The following KDM1A variants were observed in gnomAD, a reference collection of about 807,000 sequenced individuals.
KDM1A encodes lysine-specific histone demethylase 1A.
A neutral mutation model predicts 109.4 loss-of-function variants in KDM1A; 49 were observed. That is an observed-to-expected ratio of 0.45 (90% CI 0.36 to 0.57). The LOEUF is 0.57. Ranked by LOEUF, KDM1A falls within the 20% of genes least tolerant of loss-of-function variation. The pLI, the probability that KDM1A is intolerant of heterozygous loss-of-function variation, is 0.00. For missense variants in KDM1A, 668 were observed against 1,116.6 expected (o/e 0.60, Z 5.73); for synonymous variants, 380 against 415.4 (o/e 0.91, Z 1.04).
At chr1:23,036,079 G>T (rs1398041052) in intron 2 of KDM1A, among the ~76,000 whole-genome samples, 2 of 150,660 alleles carry the variant, frequency 1.3e-5, no homozygotes, top group African/African-American at 2.4e-5. Flanking sequence ...GAACCACTTT[G>T]TTTTTTTTTA....
At chr1:23,033,280 G>C (rs1642043863) in intron 2 of KDM1A, among the ~76,000 whole-genome samples, 1 of 152,182 alleles carries the variant, frequency 6.6e-6, no homozygotes, top group Admixed American at 6.5e-5. Flanking sequence ...CCAGCACTTT[G>C]AGAGGCTGAG....
chr1:23,083,671 A>G lies in KDM1A; in HGVS notation c.*307A>G, dbSNP rs1392941192. 1 of 212,342 alleles carries G rather than the reference A, an allele frequency of 4.7e-6. No individual in the cohort carries two copies. Among genetic ancestry groups the G allele is most frequent in the East Asian group, 1.0e-4 (1 of 9,756 alleles). The allele number at this position is 212,342 out of a possible 1,614,324, so 13.2% of individuals were successfully genotyped here. ...TGTTTTTTTTTTATATTTTGAGAAT[A>G]AAACTTCATATAAAATTGGCCCTCT... On this transcript the variant is annotated 3_prime_UTR_variant, in exon 21 of 21. Transcript: ENST00000400181.
intron 2 of KDM1A, among the ~76,000 whole-genome samples, chr1:23,036,438 T>G (rs955457704): frequency 7.7e-6 from 1 of 130,460 alleles, no homozygotes; most frequent in Non-Finnish European, 1.6e-5. Context: ...TTAGTTTTCT[T>G]GCCACGCCCC....
At chr1:23,070,251 C>G (rs1387973031) in intron 12 of KDM1A, among the ~76,000 whole-genome samples, 1 of 152,172 alleles carries the variant, frequency 6.6e-6, no homozygotes, top group Non-Finnish European at 1.5e-5. Flanking sequence ...GCAGGTGGAT[C>G]ATTTGAGGTC....
chr1:23,067,518 G>A (rs964500796), intron 10 of KDM1A, among the ~76,000 whole-genome samples: 1 of 152,218 alleles, frequency 6.6e-6, no homozygotes, highest in Non-Finnish European at 1.5e-5. Flanking sequence ...ACCTCTGATT[G>A]TAAAAGGTCG....
At chr1:23,055,624 A>C (rs1642809185) in intron 6 of KDM1A, among the ~76,000 whole-genome samples, 1 of 152,232 alleles carries the variant, frequency 6.6e-6, no homozygotes, top group Admixed American at 6.5e-5. Context: ...ATTATGAAGT[A>C]AATGAAGCAG....
At chr1:23,025,605 C>T (rs1041364779) in intron 1 of KDM1A, among the ~76,000 whole-genome samples, 12 of 151,730 alleles carry the variant, frequency 7.9e-5, no homozygotes, top group Admixed American at 7.9e-4. Context: ...GCTGGGATTA[C>T]AGGCATGAGC....
intron 2 of KDM1A, among the ~76,000 whole-genome samples, chr1:23,036,444 G>GCCCCCCCCCCCCCCCCCCCCCCCAC (rs5773033): frequency 8.2e-6 from 1 of 121,710 alleles, no homozygotes; most frequent in African/African-American, 3.1e-5. Context: ...TTCTTGCCAC[G>GCCCCCCCCCCCCCCCCCCCCCCCAC]CCCCCCCCCT....
intron 2 of KDM1A, among the ~76,000 whole-genome samples, chr1:23,033,152 G>C (rs1642040371): frequency 6.6e-6 from 1 of 152,166 alleles, no homozygotes; most frequent in Non-Finnish European, 1.5e-5. Flanking sequence ...GAGCCACCAT[G>C]CCTGGCCTGT....
chr1:23,081,444 A>G lies in KDM1A; in HGVS notation c.2171-2A>G. On this transcript the variant is annotated splice_acceptor_variant, in intron 18 of 20. Coordinates refer to ENST00000400181, the MANE Select transcript of KDM1A (RefSeq NM_001009999.3). LOFTEE classifies it high-confidence loss of function. Reference sequence around the variant, plus strand: ...CTAGAATTATCCTTTCTGTTTCCCCAGCTCCAATACTGTTGGCACTAGTGG... The same window carrying G: ...CTAGAATTATCCTTTCTGTTTCCCCGGCTCCAATACTGTTGGCACTAGTGG... 6.2e-7 allele frequency: 1 copy of G among 1,614,072 alleles called. No homozygotes were observed. The highest frequency in any genetic ancestry group is 8.5e-7 in the Non-Finnish European group (1 of 1,179,946).
chr1:23,067,908 TC>T (rs1390403183), intron 10 of KDM1A, among the ~76,000 whole-genome samples: 2 of 152,244 alleles, frequency 1.3e-5, no homozygotes, highest in Non-Finnish European at 2.9e-5. Flanking sequence ...GACCTTCTGG[TC>T]CTTCATTTAC....
intron 15 of KDM1A, among the ~76,000 whole-genome samples, chr1:23,075,570 C>CAA (rs55931513): frequency 1.4e-5 from 2 of 139,122 alleles, no homozygotes; most frequent in African/African-American, 5.3e-5. Context: ...GACTCCATCT[C>CAA]AAAAAAAAAA....
chr1:23,049,672 T>C (rs190334199), intron 3 of KDM1A, among the ~76,000 whole-genome samples: 22 of 147,788 alleles, frequency 1.5e-4, no homozygotes, highest in African/African-American at 5.3e-4. Flanking sequence ...GCAATAAGAG[T>C]GAAACTTCGT....
chr1:23,043,173 A>G (rs891263101), intron 2 of KDM1A, among the ~76,000 whole-genome samples: 1 of 152,244 alleles, frequency 6.6e-6, no homozygotes, highest in African/African-American at 2.4e-5. Flanking sequence ...GATTGGATTT[A>G]GTAACCCGAT....
At chr1:23,060,504 A>G (rs752190921) in intron 9 of KDM1A, among the ~76,000 whole-genome samples, 14 of 152,196 alleles carry the variant, frequency 9.2e-5, no homozygotes, top group Non-Finnish European at 1.5e-4. Context: ...GATTAGATAG[A>G]AGAACAAATT....
At chr1:23,020,966 A>C (rs1641608817) in intron 1 of KDM1A, among the ~76,000 whole-genome samples, 1 of 152,228 alleles carries the variant, frequency 6.6e-6, no homozygotes, top group South Asian at 2.1e-4. Flanking sequence ...TGGTCGGTCT[A>C]GTTGGAAAAA....
intron 5 of KDM1A, among the ~76,000 whole-genome samples, chr1:23,054,122 G>A (rs1342778289): frequency 1.3e-5 from 2 of 152,130 alleles, no homozygotes; most frequent in Non-Finnish European, 2.9e-5. Flanking sequence ...GGCGCTTCAT[G>A]GCTCACTATC....
At chr1:23,062,188 C>G (rs147602129) in intron 9 of KDM1A, among the ~76,000 whole-genome samples, 1 of 152,256 alleles carries the variant, frequency 6.6e-6, no homozygotes, top group East Asian at 1.9e-4. Context: ...TGTTCAGATT[C>G]CCATACTTGT....
Position 23,079,026 on chromosome 1 carries a change from G to A in KDM1A, c.1904G>A (p.Ser635Asn), listed in dbSNP as rs1230258982. The A allele has an allele frequency of 6.2e-7, 1 of 1,614,020 alleles. No individual in the cohort carries two copies. The highest frequency in any genetic ancestry group is 1.3e-5 in the African/African-American group (1 of 74,906). Residue 635 changes from serine to asparagine, a missense_variant, in exon 17 of 21, where the codon AGT becomes AAT. Ser to Asn is a conservative substitution (Grantham distance 46). Around this residue, in one of 8 missense-constraint regions of KDM1A, gnomAD observed 162 missense variants for 376.4 expected, o/e 0.43. Transcript: ENST00000400181. This position sits in a 1 kb window ranked among gnomAD's most constrained non-coding sequence, Gnocchi z 5.6. ...ATAGCTGTGAATACCCGCTCCACGAGTCAAACCTTTATTTATAAATGCGAC... is the reference window on the plus strand; with the variant it reads ...ATAGCTGTGAATACCCGCTCCACGAATCAAACCTTTATTTATAAATGCGAC... Reference protein sequence around the residue: ...EVIAVNTRSTSQTFIYKCDAV... With the variant: ...EVIAVNTRSTNQTFIYKCDAV...
Sources: allele counts gnomAD v4.1 joint callset (sites outside exome capture counted in the v4.1 genomes callset), GRCh38; gene constraint gnomAD v4.1.1; regional missense constraint gnomAD v4.1.1; non-coding constraint Gnocchi (gnomAD v3.1); transcripts MANE v1.5; gene names NCBI Gene and HGNC (gene_info 2026-07-23, HGNC 2026-07-21).